Variants in ADAM18 observed in about 807,000 individuals in gnomAD.
ADAM18 encodes the protein disintegrin and metalloproteinase domain-containing protein 18.
Under a neutral mutation model 94.4 loss-of-function variants are expected in ADAM18, and 117 were observed. The observed-to-expected ratio is 1.24, with a 90% confidence interval of 1.07 to 1.45. The LOEUF (loss-of-function observed/expected upper bound fraction) is 1.45. ADAM18 is among the 40% of genes most tolerant of loss of function. ADAM18 has a pLI of 0.00. For synonymous variants in ADAM18, 327 were observed against 291.6 expected, an observed-to-expected ratio of 1.12 and a Z score of -1.24; for missense variants, 936 against 880.0, an observed-to-expected ratio of 1.06 and a Z score of -0.81.
chr8:39,634,516 C>A (rs980283699), intron 7 of ADAM18, among the ~76,000 whole-genome samples: 1 of 152,162 alleles, frequency 6.6e-6, no homozygotes, highest in African/African-American at 2.4e-5. Context: ...GGGCTCAAAT[C>A]CCACCCCAAT....
At chr8:39,609,805 A>G (rs11985352) in intron 5 of ADAM18, among the ~76,000 whole-genome samples, 37,056 of 152,090 alleles carry the variant, frequency 0.24, 4,815 homozygotes, top group East Asian at 0.48. Context: ...ACTTTAAAAT[A>G]TCTCCTTAAG....
chr8:39,607,835 A>G (rs936769718), intron 3 of ADAM18, among the ~76,000 whole-genome samples: 1 of 145,256 alleles, frequency 6.9e-6, no homozygotes, highest in Non-Finnish European at 1.5e-5. Flanking sequence ...CCCCCTAGCT[A>G]TATTCAATCA....
In ADAM18 at chr8:39,609,489, A is replaced by T. The variant is rs773317488; in HGVS notation, c.272A>T (p.His91Leu). ...CCTTTCTATACTGTTTTTCAGATGC[A>T]TTGCCATTACCAAGGATATGCTGCC... is the stretch of plus-strand genomic sequence containing the variant. Reference protein sequence around the residue: ...LHSVSPYFMMHCHYQGYAAEF... With the variant: ...LHSVSPYFMMLCHYQGYAAEF... The change falls in exon 5 of 20, where the codon CAT (histidine) becomes CTT (leucine). Residue 91 changes from histidine to leucine, a missense_variant. Coordinates refer to ENST00000265707, the MANE Select transcript of ADAM18 (RefSeq NM_014237.3). 5.0e-6 allele frequency: 8 copies of T among 1,610,344 alleles called. No homozygotes were observed. In the East Asian group the frequency reaches 1.8e-4, roughly 36 times the overall value.
At chr8:39,610,025 G>A (rs1050209521) in intron 5 of ADAM18, among the ~76,000 whole-genome samples, 3 of 151,946 alleles carry the variant, frequency 2.0e-5, no homozygotes, top group African/African-American at 7.2e-5. Context: ...AAGTTCATCA[G>A]GAAAAAAAGG....
intron 6 of ADAM18, chr8:39,611,683 A>G (rs1203251584): frequency 2.4e-5 from 19 of 791,392 alleles, no homozygotes; most frequent in Non-Finnish European, 2.9e-5. Context: ...TTTATGGAAT[A>G]CATCAAAAAG....
At chr8:39,617,552 G>C (rs180734735) in intron 6 of ADAM18, among the ~76,000 whole-genome samples, 4 of 152,212 alleles carry the variant, frequency 2.6e-5, no homozygotes, top group Admixed American at 6.5e-5. Context: ...ACTTATCATA[G>C]TACTATTCAC....
chr8:39,615,527 A>G (rs1819410457), intron 6 of ADAM18, among the ~76,000 whole-genome samples: 1 of 152,222 alleles, frequency 6.6e-6, no homozygotes, highest in Non-Finnish European at 1.5e-5. Flanking sequence ...CCTGTTATGT[A>G]AAGAACCCTT....
chr8:39,681,511 A>G (rs1821458092), intron 16 of ADAM18, among the ~76,000 whole-genome samples: 1 of 152,206 alleles, frequency 6.6e-6, no homozygotes. Context: ...TAATGTCATT[A>G]ATTTTGATGA....
At chr8:39,661,904 G>A (rs12680405) in intron 12 of ADAM18, among the ~76,000 whole-genome samples, 20 of 150,534 alleles carry the variant, frequency 1.3e-4, no homozygotes, top group African/African-American at 4.6e-4. Context: ...GAACATATCC[G>A]TAGTGTTACA....
intron 16 of ADAM18, among the ~76,000 whole-genome samples, chr8:39,687,811 T>A (rs1435860243): frequency 5.3e-5 from 8 of 152,236 alleles, no homozygotes; most frequent in Non-Finnish European, 1.2e-4. Context: ...TCATTCTTTT[T>A]GTGTGACTGC....
chr8:39,633,299 A>T (rs891543614), intron 7 of ADAM18, among the ~76,000 whole-genome samples: 3 of 152,306 alleles, frequency 2.0e-5, no homozygotes, highest in Middle Eastern at 6.8e-3. Flanking sequence ...GGTACCTGGC[A>T]ATGGGTTGAA....
intron 6 of ADAM18, among the ~76,000 whole-genome samples, chr8:39,623,586 T>TTTTTTG (rs568342168): frequency 3.3e-5 from 5 of 152,156 alleles, no homozygotes; most frequent in South Asian, 2.1e-4. Context: ...TTTTGTTTGT[T>TTTTTTG]TTTTTGTTTT....
Position 39,726,638 on chromosome 8 carries a change from A to G in ADAM18, c.2177+2731A>G, listed in dbSNP as rs142923597. Among the ~76,000 whole-genome samples the G allele has an allele frequency of 5.0e-3, 765 of 152,252 alleles. 4 individuals carry two copies. The highest frequency in any genetic ancestry group is 8.2e-3 in the Non-Finnish European group (557 of 68,012). ...AAAATCATTGCCCAGACCAATGGCAAGGAGCTTTCTCTCTATTTTCTGCTA... is the reference window on the plus strand; with the variant it reads ...AAAATCATTGCCCAGACCAATGGCAGGGAGCTTTCTCTCTATTTTCTGCTA... On this transcript the variant is annotated intron_variant, in intron 19 of 19. Coordinates refer to ENST00000265707, the MANE Select transcript of ADAM18 (RefSeq NM_014237.3).
intron 12 of ADAM18, among the ~76,000 whole-genome samples, chr8:39,658,339 C>A (rs1473864437): frequency 1.3e-5 from 2 of 152,010 alleles, no homozygotes; most frequent in Non-Finnish European, 2.9e-5. Context: ...GTGATGGAGA[C>A]AATATACCAC....
At chr8:39,714,776 A>T (rs1399604537) in intron 18 of ADAM18, among the ~76,000 whole-genome samples, 1 of 152,118 alleles carries the variant, frequency 6.6e-6, no homozygotes, top group African/African-American at 2.4e-5. Flanking sequence ...CAAAACTGTG[A>T]CTTGAAATGA....
intron 18 of ADAM18, among the ~76,000 whole-genome samples, chr8:39,719,023 C>T (rs1333940789): frequency 6.6e-6 from 1 of 150,474 alleles, no homozygotes; most frequent in East Asian, 1.9e-4. Context: ...ACTCAAAGGA[C>T]CAAGAATAGT....
chr8:39,585,476 T>C (rs1012783669), intron 2 of ADAM18, 124 bp downstream of exon 2: 1 of 695,970 alleles, frequency 1.4e-6, no homozygotes, highest in Non-Finnish European at 2.4e-6. Context: ...GCCTGTGCTA[T>C]TTTGTCTCCT....
At chr8:39,645,670 C>A (rs966020824) in intron 11 of ADAM18, among the ~76,000 whole-genome samples, 196 bp downstream of exon 11, 4 of 152,100 alleles carry the variant, frequency 2.6e-5, no homozygotes, top group African/African-American at 9.7e-5. Flanking sequence ...TGTCTGTGCA[C>A]ACACATACAC....
intron 14 of ADAM18, among the ~76,000 whole-genome samples, chr8:39,675,969 C>G (rs891802506): frequency 1.3e-5 from 2 of 152,178 alleles, no homozygotes; most frequent in Non-Finnish European, 2.9e-5. Context: ...TGCAGAACAG[C>G]AAATATTGCA....
Sources: gnomAD v4.1 joint callset for allele counts (sites outside exome capture counted in the v4.1 genomes callset) on GRCh38, gnomAD v4.1.1 for gene constraint, MANE v1.5 for transcripts, NCBI Gene and HGNC (gene_info 2026-07-23, HGNC 2026-07-21) for gene names.